Variants in LRBA observed in about 807,000 individuals in gnomAD.
LRBA encodes LPS responsive beige-like anchor protein, also known as lipopolysaccharide-responsive and beige-like anchor protein.
LRBA carries 176 observed loss-of-function variants against 330.0 expected under a neutral mutation model. The ratio of observed to expected loss-of-function variants is 0.53; its 90% CI spans 0.47 to 0.60. The LOEUF is 0.60. Among genes scored for constraint, LRBA ranks in the 20% least tolerant of loss-of-function variants. The probability of loss-of-function intolerance (pLI) is 0.00; values close to 1 mark genes in which losing one functional copy is unlikely to be tolerated. For missense variants in LRBA, 3,259 were observed against 3,444.8 expected (o/e 0.95, Z 1.35); for synonymous variants, 1,230 against 1,193.0 (o/e 1.03, Z -0.64).
chr4:150,490,474 T>C (rs62344699), intron 41 of LRBA, among the ~76,000 whole-genome samples: 32,526 of 151,692 alleles, frequency 0.21, 4,363 homozygotes, highest in Non-Finnish European at 0.31. Context: ...AACAGGACAG[T>C]TCAGTATCAT....
rs758822211 is a variant in LRBA, at chr4:150,415,394, G to A, written c.7194+44C>T. On this transcript the variant is annotated intron_variant, in intron 47 of 56. Transcript: ENST00000651943. ...TACACCAACACATGAAAGATGCTTT[G>A]AGCAAAAGCTCATGACAGACAGAGT... The A allele has an allele frequency of 7.0e-6, 11 of 1,579,468 alleles. No homozygotes were observed. In the South Asian group the frequency reaches 1.3e-4, roughly 18 times the overall value.
Position 150,844,184 on chromosome 4 carries a change from G to A in LRBA, c.4485C>T (p.Gly1495=), listed in dbSNP as rs11735845. 45,105 of 1,603,164 alleles carry A rather than the reference G, an allele frequency of 0.028. 803 individuals are homozygous for A. The highest frequency in any genetic ancestry group is 0.033 in the Non-Finnish European group (39,235 of 1,171,628). ...CAAGATCTCTTACTGGAGATATACC[G>A]CCAGTCACAATGTCCACTGGGCTCT... is the stretch of plus-strand genomic sequence containing the variant. The part of the protein sequence containing the change: ...AAKSPVDIVT[G]GISPVRDLDR... Residue 1495 remains glycine (G), a synonymous_variant, in exon 28 of 57, where the codon GGC becomes GGT. Coordinates refer to ENST00000651943, the MANE Select transcript of LRBA (RefSeq NM_001364905.1).
chr4:150,879,286 A>G (rs1728104995), intron 17 of LRBA, among the ~76,000 whole-genome samples: 1 of 152,212 alleles, frequency 6.6e-6, no homozygotes, highest in Non-Finnish European at 1.5e-5. Context: ...ATCCCAATAG[A>G]TGTGGAAAAA....
chr4:150,424,399 G>T (rs1468355504), intron 46 of LRBA, among the ~76,000 whole-genome samples: 2 of 152,188 alleles, frequency 1.3e-5, no homozygotes, highest in Admixed American at 1.3e-4. Context: ...TCTAAAAAGA[G>T]ACCCAAAACA....
intron 22 of LRBA, among the ~76,000 whole-genome samples, chr4:150,860,714 C>A (rs1179133425): frequency 1.3e-5 from 2 of 151,938 alleles, no homozygotes; most frequent in African/African-American, 2.4e-5. Context: ...GTAGTCCCAG[C>A]TACTCAGGGA....
chr4:150,704,024 T>C (rs1203528971), intron 36 of LRBA, among the ~76,000 whole-genome samples: 2 of 151,866 alleles, frequency 1.3e-5, no homozygotes, highest in African/African-American at 2.4e-5. Context: ...GCACAATATA[T>C]AGCAAGACCC....
At chr4:150,709,247 T>C (rs558849009) in intron 36 of LRBA, among the ~76,000 whole-genome samples, 20 of 152,012 alleles carry the variant, frequency 1.3e-4, no homozygotes, top group Non-Finnish European at 2.5e-4. Flanking sequence ...TGTAACACAC[T>C]GTTTCAAAAT....
intron 13 of LRBA, among the ~76,000 whole-genome samples, chr4:150,902,022 T>C (rs1252334046): frequency 6.6e-6 from 1 of 151,914 alleles, no homozygotes; most frequent in Non-Finnish European, 1.5e-5. Context: ...TTGAAAAGAT[T>C]AAAAAAACAC....
At chr4:150,362,063 C>T (rs1001594306) in intron 47 of LRBA, among the ~76,000 whole-genome samples, 1 of 152,162 alleles carries the variant, frequency 6.6e-6, no homozygotes, top group Admixed American at 6.5e-5. Context: ...TGAGCCACCG[C>T]GCCTCGCCCA....
chr4:150,634,903 C>G (rs1051096333), intron 37 of LRBA, among the ~76,000 whole-genome samples: 2 of 152,070 alleles, frequency 1.3e-5, no homozygotes, highest in African/African-American at 4.8e-5. Flanking sequence ...ACCACTGCCC[C>G]CTAGACCCAG....
At chr4:150,548,406 T>G (rs1766113955) in intron 40 of LRBA, among the ~76,000 whole-genome samples, 1 of 152,176 alleles carries the variant, frequency 6.6e-6, no homozygotes, top group Admixed American at 6.5e-5. Flanking sequence ...GTGCCAAACC[T>G]GCTATCTAAA....
At chr4:150,452,185 C>T (rs922779542) in intron 44 of LRBA, among the ~76,000 whole-genome samples, 3 of 152,052 alleles carry the variant, frequency 2.0e-5, no homozygotes, top group African/African-American at 7.2e-5. Flanking sequence ...TGGGATCCAG[C>T]CATTTATTAA....
chr4:150,270,251 G>A (rs1745886896), intron 56 of LRBA, among the ~76,000 whole-genome samples: 1 of 152,192 alleles, frequency 6.6e-6, no homozygotes. Flanking sequence ...GACTTGAATA[G>A]ATATTTGTAT....
chr4:150,336,977 T>C (rs928962672), intron 48 of LRBA, among the ~76,000 whole-genome samples: 3 of 152,132 alleles, frequency 2.0e-5, no homozygotes, highest in Admixed American at 6.6e-5. Context: ...CTACTGGAAA[T>C]GAGTAGATAA....
At chr4:150,530,721 T>C (rs1763971036) in intron 40 of LRBA, among the ~76,000 whole-genome samples, 1 of 152,192 alleles carries the variant, frequency 6.6e-6, no homozygotes, top group South Asian at 2.1e-4. Context: ...AATTCCTGTT[T>C]CAGCATCTCA....
chr4:150,460,779 C>T (rs1754681837), intron 44 of LRBA, among the ~76,000 whole-genome samples: 1 of 151,682 alleles, frequency 6.6e-6, no homozygotes, highest in Non-Finnish European at 1.5e-5. Context: ...TTTTCTTTAC[C>T]TTGTTCCTCA....
chr4:150,289,348 C>G (rs1339964840), intron 53 of LRBA, among the ~76,000 whole-genome samples: 2 of 152,044 alleles, frequency 1.3e-5, no homozygotes, highest in Non-Finnish European at 2.9e-5. Context: ...AGGGCCTGAT[C>G]TCTAAATAAG....
intron 40 of LRBA, among the ~76,000 whole-genome samples, chr4:150,517,372 T>C (rs192475718): frequency 6.6e-6 from 1 of 152,030 alleles, no homozygotes; most frequent in Admixed American, 6.5e-5. Flanking sequence ...AATACAAAAA[T>C]TAGCCAGGCA....
chr4:150,648,609 G>C (rs1268424722), intron 37 of LRBA, among the ~76,000 whole-genome samples: 1 of 151,596 alleles, frequency 6.6e-6, no homozygotes, highest in South Asian at 2.1e-4. Context: ...GCCTCTGATT[G>C]AGAACCCTTA....
Sources: gnomAD v4.1 joint callset for allele counts (sites outside exome capture counted in the v4.1 genomes callset) on GRCh38, gnomAD v4.1.1 for gene constraint, MANE v1.5 for transcripts, NCBI Gene and HGNC (gene_info 2026-07-23, HGNC 2026-07-21) for gene names.